PRAMEF11: variants seen among roughly 807,000 people sequenced by gnomAD.
PRAMEF11 encodes the protein PRAME family member 11.
Under a neutral mutation model 33.6 loss-of-function variants are expected in PRAMEF11, and 17 were observed. That is an observed-to-expected ratio of 0.51 (90% CI 0.35 to 0.76). The LOEUF (loss-of-function observed/expected upper bound fraction) is 0.76. Among genes scored for constraint, PRAMEF11 ranks in the 30% least tolerant of loss-of-function variants. The pLI is 0.01. For missense variants in PRAMEF11, 568 were observed against 567.0 expected (o/e 1.00, Z -0.02); for synonymous variants, 205 against 227.3 (o/e 0.90, Z 0.88).
At chr1:12,826,063 A>T (rs1342735635) in intron 3 of PRAMEF11, among the ~76,000 whole-genome samples, 5 of 150,514 alleles carry the variant, frequency 3.3e-5, no homozygotes, top group Non-Finnish European at 7.4e-5. Context: ...AGAATCCCTA[A>T]AGCTCCCTTT....
Position 12,831,381 on chromosome 1 carries a change from G to T in PRAMEF11, c.-42C>A, listed in dbSNP as rs1468297261. ...CAGATCTGGATGTAGTCTAGAAGGT[G>T]CTCAGACCTCAGGAAGAACCAAGCA... On this transcript the variant is annotated 5_prime_UTR_variant, in exon 1 of 4. Transcript: ENST00000619922. The T allele has an allele frequency of 6.6e-6, 1 of 151,120 alleles. No homozygotes were observed. Among genetic ancestry groups the T allele is most frequent in the Non-Finnish European group, 1.5e-5 (1 of 67,784 alleles). The allele number at this position is 151,120 out of a possible 1,614,324, so 9.4% of individuals were successfully genotyped here. A position where few individuals can be genotyped will look rare whatever the true frequency, so the allele number is the denominator to read the frequency against.
In PRAMEF11 at chr1:12,827,846, G is replaced by C. The variant is rs1013675962; in HGVS notation, c.294-16C>G. The C allele has an allele frequency of 6.2e-7, 1 of 1,606,026 alleles. No individual in the cohort carries two copies. The highest frequency in any genetic ancestry group is 1.3e-5 in the African/African-American group (1 of 74,664). On this transcript the variant is annotated splice_polypyrimidine_tract_variant and intron_variant, in intron 2 of 3. Coordinates refer to ENST00000619922, the MANE Select transcript of PRAMEF11 (RefSeq NM_001146344.3). The stretch of plus-strand genomic sequence containing the variant: ...TTTCCATCTCCTGTGGGAAAATAGA[G>C]GTGAGACTGAGAATTTAAGAACTCA...
chr1:12,827,135 A>C lies in PRAMEF11; in HGVS notation c.875+114T>G, dbSNP rs1339704694. The stretch of plus-strand genomic sequence containing the variant: ...CAACAGGACAATGCATGGACATTCT[A>C]GTGTCCCCTTCACTGTTACATCCTC... On this transcript the variant is annotated intron_variant, in intron 3 of 3. Transcript: ENST00000619922. 16 of 1,568,844 alleles carry C rather than the reference A, an allele frequency of 1.0e-5. No individual in the cohort carries two copies. The Admixed American group carries it at 2.4e-4, about 23-fold the overall frequency.
rs1639818472 is a variant in PRAMEF11, at chr1:12,824,766, G to A, written c.*176C>T. 2.0e-6 allele frequency: 2 copies of A among 1,020,992 alleles called. No homozygotes were observed. Among genetic ancestry groups the A allele is most frequent in the Non-Finnish European group, 2.8e-6 (2 of 708,048 alleles). The allele number at this position is 1,020,992 out of a possible 1,614,324, so 63.2% of individuals were successfully genotyped here. A position where few individuals can be genotyped will look rare whatever the true frequency, so the allele number is the denominator to read the frequency against. ...GTTCCCAAAGTCCCATTGAATCCAT[G>A]GCAACATTTCCCCCAAGTCCTGCCC... is the stretch of plus-strand genomic sequence containing the variant. On this transcript the variant is annotated 3_prime_UTR_variant, in exon 4 of 4. Coordinates refer to ENST00000619922, the MANE Select transcript of PRAMEF11 (RefSeq NM_001146344.3).
Position 12,829,233 on chromosome 1 carries a change from C to G in PRAMEF11, c.-16-428G>C, listed in dbSNP as rs564788613. On this transcript the variant is annotated intron_variant, in intron 1 of 3. Coordinates refer to ENST00000619922, the MANE Select transcript of PRAMEF11 (RefSeq NM_001146344.3). ...TCATGGGGCATCCCTAGAACAGGTT[C>G]TATTTGTTTTCTTTTCATTATTTAA... 6.1e-4 allele frequency among the ~76,000 whole-genome samples: 93 copies of G among 151,404 alleles called. 1 individual carries two copies. The highest frequency in any genetic ancestry group is 2.2e-3 in the African/African-American group (89 of 41,378).
rs1389971277 is a variant in PRAMEF11, at chr1:12,827,672, A to C, written c.452T>G (p.Val151Gly). The C allele has an allele frequency of 1.9e-6, 3 of 1,609,634 alleles. No homozygotes were observed. Among genetic ancestry groups the C allele is most frequent in the African/African-American group, 1.3e-5 (1 of 74,608 alleles). The change falls in exon 3 of 4, where the codon GTG becomes GGG. Residue 151 changes from valine to glycine, a missense_variant. Val to Gly is a moderately radical substitution (Grantham distance 109). This residue lies in a region of PRAMEF11 where 342 missense variants were observed against 312.0 expected (regional missense o/e 1.10). Transcript: ENST00000619922. Reference sequence around the variant, plus strand: ...GTTCTTGAGCCAAAGTTCTACAAACACAGTCAAGGGCTGCCGTCCTCTCAT... The same window carrying C: ...GTTCTTGAGCCAAAGTTCTACAAACCCAGTCAAGGGCTGCCGTCCTCTCAT... ...PRMRGRQPLT[V>G]FVELWLKNRT...
intron 1 of PRAMEF11, 70 bp downstream of exon 1, chr1:12,831,286 C>T (rs2076065): frequency 0.34 from 51,468 of 150,594 alleles, 10,981 homozygotes; most frequent in East Asian, 0.51. Flanking sequence ...TCGTAGGCTG[C>T]ACTGTCACCA....
chr1:12,828,375 C>G, intron 2 of PRAMEF11, 122 bp downstream of exon 2: 1 of 1,435,390 alleles, frequency 7.0e-7, no homozygotes, highest in Non-Finnish European at 9.5e-7. Flanking sequence ...TGGTGAATGG[C>G]CAAGTCCTCT....
chr1:12,829,084 T>G (rs75890483), intron 1 of PRAMEF11, among the ~76,000 whole-genome samples: 3 of 149,090 alleles, frequency 2.0e-5, no homozygotes, highest in African/African-American at 7.3e-5. Context: ...AACCTGAAAG[T>G]GAACCCCTCC....
intron 1 of PRAMEF11, among the ~76,000 whole-genome samples, chr1:12,829,178 A>G (rs1054545034): frequency 4.6e-5 from 7 of 151,452 alleles, no homozygotes; most frequent in Non-Finnish European, 1.0e-4. Flanking sequence ...CCACAATTTC[A>G]GTTCCTAAAA....
Position 12,828,685 on chromosome 1 carries a change from C to T in PRAMEF11, c.105G>A (p.Thr35=), listed in dbSNP as rs2982101. 1,599 of 1,608,670 alleles carry T rather than the reference C, an allele frequency of 9.9e-4. 56 individuals carry two copies. The highest frequency in any genetic ancestry group is 7.7e-3 in the African/African-American group (573 of 74,334). ...CCATGAACAGTGGGGGGAAAAGTTC[C>T]GTGGGCAGCTCCTCCAGGGTGGAGA... The part of the protein sequence containing the change: ...LAVSTLEELP[T]ELFPPLFMEA... The change falls in exon 2 of 4, where the codon ACG becomes ACA. Residue 35 remains threonine (T), a synonymous_variant. Transcript: ENST00000619922.
chr1:12,830,976 C>G (rs1216015165), intron 1 of PRAMEF11, among the ~76,000 whole-genome samples: 1 of 137,216 alleles, frequency 7.3e-6, no homozygotes, highest in Non-Finnish European at 1.6e-5. Flanking sequence ...CTGGGCAACA[C>G]AGTGAGACTC....
intron 1 of PRAMEF11, among the ~76,000 whole-genome samples, chr1:12,830,909 C>T (rs1307109243): frequency 6.7e-6 from 1 of 150,198 alleles, no homozygotes; most frequent in Non-Finnish European, 1.5e-5. Flanking sequence ...ATGAGAATTG[C>T]TTGAACCCGG....
rs1274712355 is a variant in PRAMEF11 at position 12,828,479 on chromosome 1, C to G, written c.293+18G>C. On this transcript the variant is annotated intron_variant, in intron 2 of 3. Transcript: ENST00000619922. ...GGACACCTGGGCCCTCCCCACCAGC[C>G]CACCTGGGCCACCTCACCTGGGACG... The G allele has an allele frequency of 2.5e-6, 4 of 1,591,546 alleles. No homozygotes were observed. In the East Asian group the frequency reaches 9.1e-5, roughly 36 times the overall value.
At chr1:12,829,142 A>G (rs1240349803) in intron 1 of PRAMEF11, among the ~76,000 whole-genome samples, 1 of 151,476 alleles carries the variant, frequency 6.6e-6, no homozygotes, top group East Asian at 2.0e-4. Flanking sequence ...AAACAATGGG[A>G]ATGGGAGTGT....
At chr1:12,826,332 T>A (rs3926744) in intron 3 of PRAMEF11, among the ~76,000 whole-genome samples, 52,480 of 147,802 alleles carry the variant, frequency 0.36, 10,910 homozygotes, top group East Asian at 0.51. Flanking sequence ...ACTTTTACAA[T>A]GGGAATTAGA....
intron 1 of PRAMEF11, 74 bp from the exon 2 acceptor site, chr1:12,828,879 C>A (rs1483355503): frequency 1.7e-5 from 27 of 1,591,918 alleles, no homozygotes; most frequent in Non-Finnish European, 2.2e-5. Context: ...TCTCCCAGGG[C>A]CAAAGTCACT....
chr1:12,827,706 A>C lies in PRAMEF11; in HGVS notation c.418T>G (p.Cys140Gly), dbSNP rs769579456. Residue 140 changes from cysteine (C) to glycine (G), a missense_variant, in exon 3 of 4, where the codon TGT (cysteine) becomes GGT (glycine). Cys to Gly is a radical substitution (Grantham distance 159, BLOSUM62 -3). Transcript: ENST00000619922. ...GGCTGCCGTCCTCTCATCCTTGGAC[A>C]GTCCTGCACTGGTTTTTTGTTCCTC... ...AKRNKKPVQD[C>G]PRMRGRQPLT... 1.2e-6 allele frequency: 2 copies of C among 1,610,058 alleles called. No individual in the cohort carries two copies. Among genetic ancestry groups the C allele is most frequent in the African/African-American group, 1.3e-5 (1 of 74,742 alleles).
At position 12,827,735 on chromosome 1, in the gene PRAMEF11, G is replaced by T. The variant is rs757297375; in HGVS notation, c.389C>A (p.Ala130Asp). ...EAMAHGCFLN[A>D]KRNKKPVQDC... Reference sequence around the variant, plus strand: ...CTGCACTGGTTTTTTGTTCCTCTTGGCATTGAGGAAGCACCCATGGGCCAT... The same window carrying T: ...CTGCACTGGTTTTTTGTTCCTCTTGTCATTGAGGAAGCACCCATGGGCCAT... Residue 130 changes from alanine to aspartate, a missense_variant, in exon 3 of 4, where the codon GCC becomes GAC. By Grantham distance (126) the Ala-to-Asp change is moderately radical. Around this residue, in one of 3 missense-constraint regions of PRAMEF11, gnomAD observed 342 missense variants for 312.0 expected, o/e 1.10. Coordinates refer to ENST00000619922, the MANE Select transcript of PRAMEF11 (RefSeq NM_001146344.3). 6.2e-7 allele frequency: 1 copy of T among 1,609,786 alleles called. No individual in the cohort carries two copies. The highest frequency in any genetic ancestry group is 8.5e-7 in the Non-Finnish European group (1 of 1,178,246).
Sources: gnomAD v4.1 joint callset for allele counts (sites outside exome capture counted in the v4.1 genomes callset) on GRCh38, gnomAD v4.1.1 for gene constraint, gnomAD v4.1.1 regional missense constraint, MANE v1.5 for transcripts, NCBI Gene and HGNC (gene_info 2026-07-23, HGNC 2026-07-21) for gene names.